Variants in GPR107 observed in about 807,000 individuals in gnomAD.
The protein encoded by GPR107 is protein GPR107.
Under a neutral mutation model 75.5 loss-of-function variants are expected in GPR107, and 31 were observed. The ratio of observed to expected loss-of-function variants is 0.41; its 90% CI spans 0.31 to 0.55. The LOEUF is 0.55. Ranked by LOEUF, GPR107 falls within the 20% of genes least tolerant of loss-of-function variation. GPR107 has a pLI of 0.26. For synonymous variants in GPR107, 267 were observed against 251.3 expected (o/e 1.06, Z -0.59); for missense variants, 572 against 665.7 (o/e 0.86, Z 1.55).
At chr9:130,076,282 C>T in intron 2 of GPR107, 130 bp from the exon 3 acceptor site, 1 of 581,818 alleles carries the variant, frequency 1.7e-6, no homozygotes, top group Non-Finnish European at 3.1e-6. Context: ...TTTACTTTGC[C>T]TTCTTACAAA....
At chr9:130,099,336 G>T in intron 9 of GPR107, 121 bp from the exon 10 acceptor site, 4 of 616,862 alleles carry the variant, frequency 6.5e-6, no homozygotes, top group Non-Finnish European at 8.6e-6. Flanking sequence ...AAAGTTTCAT[G>T]TTTGTGGTTT....
intron 3 of GPR107, among the ~76,000 whole-genome samples, chr9:130,077,047 C>T (rs1830367998): frequency 6.6e-6 from 1 of 152,072 alleles, no homozygotes; most frequent in African/African-American, 2.4e-5. Flanking sequence ...GCCACCACAC[C>T]TGGCTAATTT....
chr9:130,139,565 A>T lies in GPR107; in HGVS notation c.*4444A>T, dbSNP rs1554900568. ...GCCCTGTGTGAGGGAGCACACTGAG[A>T]TGGTGCAGGAGTGAATGGGCATGGC... On this transcript the variant is annotated 3_prime_UTR_variant, in exon 18 of 18. Transcript: ENST00000347136. The T allele has an allele frequency of 6.6e-6, 1 of 152,234 alleles. No homozygotes were observed. The highest frequency in any genetic ancestry group is 1.9e-4 in the East Asian group (1 of 5,192). The allele number at this position is 152,234 out of a possible 1,614,324, so 9.4% of individuals were successfully genotyped here. A position where few individuals can be genotyped will look rare whatever the true frequency, so the allele number is the denominator to read the frequency against.
intron 7 of GPR107, among the ~76,000 whole-genome samples, chr9:130,086,964 G>A (rs964695817): frequency 2.6e-5 from 4 of 152,108 alleles, no homozygotes; most frequent in Admixed American, 2.0e-4. Flanking sequence ...AATAGCATAC[G>A]TATGGGAACA....
chr9:130,120,773 A>T (rs1360636043), intron 14 of GPR107: 1 of 152,210 alleles, frequency 6.6e-6, no homozygotes, highest in Non-Finnish European at 1.5e-5. Context: ...TCAAGTGTAG[A>T]CCTGATCGTG....
intron 17 of GPR107, chr9:130,128,987 C>T (rs1486716113): frequency 2.7e-5 from 12 of 446,286 alleles, no homozygotes; most frequent in Admixed American, 1.6e-4. Flanking sequence ...TGGAACTTGC[C>T]GTTCCACTAA....
chr9:130,122,568 G>A (rs1419822983), intron 14 of GPR107, among the ~76,000 whole-genome samples: 1 of 152,180 alleles, frequency 6.6e-6, no homozygotes, highest in Non-Finnish European at 1.5e-5. Flanking sequence ...GTGGCTGTGT[G>A]TGCATGTCAC....
chr9:130,085,754 A>ATCTTTTTTTTTTTTTTTTTTTT (rs1554893154), intron 6 of GPR107, among the ~76,000 whole-genome samples: 1 of 78,674 alleles, frequency 1.3e-5, no homozygotes, highest in Non-Finnish European at 2.4e-5. Context: ...CAATATTTTG[A>ATCTTTTTTTTTTTTTTTTTTTT]TTTTTTTTTT....
At chr9:130,080,914 TA>T (rs1830481003) in intron 5 of GPR107, among the ~76,000 whole-genome samples, 2 of 151,578 alleles carry the variant, frequency 1.3e-5, no homozygotes, top group South Asian at 4.2e-4. Flanking sequence ...GTGAGTTCTT[TA>T]AAGATAATTT....
chr9:130,110,414 G>A lies in GPR107; in HGVS notation c.1306+2875G>A, dbSNP rs913108701. The A allele has an allele frequency of 4.6e-6, 7 of 1,514,310 alleles. No individual in the cohort carries two copies. In the Admixed American group the frequency reaches 5.9e-5, roughly 13 times the overall value. The allele number at this position is 1,514,310 out of a possible 1,614,324, so 93.8% of individuals were successfully genotyped here. On this transcript the variant is annotated intron_variant, in intron 14 of 17. Coordinates refer to ENST00000347136, the MANE Select transcript of GPR107 (RefSeq NM_020960.5). ...TCAGCAGAGAGCGAATCTAAGAGCA[G>A]GAAGTCGCATAGGTAAACCAGGGTT...
chr9:130,057,624 A>G (rs1279892395), intron 1 of GPR107, among the ~76,000 whole-genome samples: 5 of 151,884 alleles, frequency 3.3e-5, no homozygotes, highest in Admixed American at 3.3e-4. Flanking sequence ...ATAACCATCA[A>G]CACATGGCTG....
intron 7 of GPR107, among the ~76,000 whole-genome samples, chr9:130,090,257 T>G (rs1467288354): frequency 6.6e-6 from 1 of 152,208 alleles, no homozygotes; most frequent in African/African-American, 2.4e-5. Flanking sequence ...TAAACTTCAT[T>G]TAAACTCATG....
At chr9:130,105,921 A>G (rs769638856) in intron 13 of GPR107, among the ~76,000 whole-genome samples, 1 of 151,888 alleles carries the variant, frequency 6.6e-6, no homozygotes, top group Non-Finnish European at 1.5e-5. Flanking sequence ...CAGCCTCCCA[A>G]AGTGCTGGGA....
chr9:130,096,847 T>G (rs1359349935), intron 9 of GPR107, among the ~76,000 whole-genome samples: 1 of 152,240 alleles, frequency 6.6e-6, no homozygotes, highest in Non-Finnish European at 1.5e-5. Context: ...TCTATAGACG[T>G]TGTTGTACAT....
intron 14 of GPR107, among the ~76,000 whole-genome samples, chr9:130,119,792 G>A (rs912052232): frequency 2.0e-5 from 3 of 151,324 alleles, no homozygotes; most frequent in South Asian, 2.1e-4. Context: ...ATGGCATCAC[G>A]ACTGGTGGGT....
chr9:130,117,730 G>A (rs1440379089), intron 14 of GPR107, among the ~76,000 whole-genome samples: 1 of 151,918 alleles, frequency 6.6e-6, no homozygotes, highest in African/African-American at 2.4e-5. Flanking sequence ...CTGAAGCCCA[G>A]CAGAGAGGAA....
chr9:130,087,805 C>CAAAAAAAAAAAAAAAAAAAAAAAAA (rs35984705), intron 7 of GPR107, among the ~76,000 whole-genome samples: 7 of 87,632 alleles, frequency 8.0e-5, no homozygotes, highest in East Asian at 3.6e-4. Context: ...GACCCTGTCT[C>CAAAAAAAAAAAAAAAAAAAAAAAAA]AAAAAAAAAA....
chr9:130,070,956 T>C (rs934573878), intron 1 of GPR107, among the ~76,000 whole-genome samples: 9 of 151,352 alleles, frequency 5.9e-5, no homozygotes, highest in Admixed American at 4.6e-4. Flanking sequence ...TGTCCTCAAG[T>C]GACCCTCCCA....
chr9:130,122,307 C>T (rs533509794), intron 14 of GPR107, among the ~76,000 whole-genome samples: 6 of 152,232 alleles, frequency 3.9e-5, no homozygotes, highest in South Asian at 2.1e-4. Context: ...GCCACGGTTC[C>T]GGTCATGTCA....
Sources: gnomAD v4.1 joint callset for allele counts (sites outside exome capture counted in the v4.1 genomes callset) on GRCh38, gnomAD v4.1.1 for gene constraint, MANE v1.5 for transcripts, NCBI Gene and HGNC (gene_info 2026-07-23, HGNC 2026-07-21) for gene names.